ZDHHC7: variants seen among roughly 807,000 people sequenced by gnomAD.
ZDHHC7 encodes the protein palmitoyltransferase ZDHHC7.
Under a neutral mutation model 34.1 loss-of-function variants are expected in ZDHHC7, and 12 were observed. The observed-to-expected ratio is 0.35, with a 90% CI of 0.23 to 0.57. The LOEUF (loss-of-function observed/expected upper bound fraction) is 0.57. ZDHHC7 is among the 20% of genes least tolerant of loss of function. The pLI, the probability that ZDHHC7 is intolerant of heterozygous loss-of-function variation, is 0.84. For synonymous variants in ZDHHC7, 185 were observed against 155.4 expected (o/e 1.19, Z -1.42); for missense variants, 388 against 402.7 (o/e 0.96, Z 0.31).
chr16:84,977,389 G>C, intron 6 of ZDHHC7, 164 bp from the exon 7 acceptor site: 1 of 851,802 alleles, frequency 1.2e-6, no homozygotes, highest in Non-Finnish European at 1.8e-6. Flanking sequence ...GAGCAGAGGA[G>C]GGCCACCCTT....
At chr16:85,002,097 T>C (rs9938580) in intron 1 of ZDHHC7, among the ~76,000 whole-genome samples, 26,270 of 151,988 alleles carry the variant, frequency 0.17, 2,356 homozygotes, top group African/African-American at 0.22. Context: ...TAAAATAGTA[T>C]TGCTTTATAA....
At chr16:84,985,346 T>C (rs551147081) in intron 3 of ZDHHC7, among the ~76,000 whole-genome samples, 52 of 152,348 alleles carry the variant, frequency 3.4e-4, no homozygotes, top group Middle Eastern at 3.4e-3. Flanking sequence ...CTCTCTCCCC[T>C]GCTCTCCACC....
the ZDHHC7 span, among the ~76,000 whole-genome samples, chr16:85,022,398 G>A: frequency 4.6e-5 from 7 of 151,778 alleles, no homozygotes; most frequent in South Asian, 2.1e-4. Flanking sequence ...ATGCACATGC[G>A]TGTAATCCCA....
intron 7 of ZDHHC7, among the ~76,000 whole-genome samples, chr16:84,976,748 C>A (rs1397191489): frequency 6.6e-6 from 1 of 152,230 alleles, no homozygotes; most frequent in Non-Finnish European, 1.5e-5. Context: ...CCCAGCCAGG[C>A]ACCAACATTT....
chr16:85,011,490 G>C lies in ZDHHC7; in HGVS notation c.-308C>G, dbSNP rs943651228. ...AGGCTGCAGCCAAGCAAATGCCTCA[G>C]CCCGGAGCCTTGGCTGGAGAGCGGG... is the stretch of plus-strand genomic sequence containing the variant. On this transcript the variant is annotated 5_prime_UTR_variant, in exon 1 of 8. Coordinates refer to ENST00000313732, the MANE Select transcript of ZDHHC7 (RefSeq NM_017740.3). 3.3e-5 allele frequency: 5 copies of C among 152,256 alleles called. No homozygotes were observed. Among genetic ancestry groups the C allele is most frequent in the African/African-American group, 1.2e-4 (5 of 41,458 alleles). 9.4% of individuals were successfully genotyped at this position (152,256 alleles called of 1,614,324 possible). A position where few individuals can be genotyped will look rare whatever the true frequency, so the allele number is the denominator to read the frequency against.
intron 1 of ZDHHC7, among the ~76,000 whole-genome samples, chr16:85,010,815 G>A (rs1410137571): frequency 6.6e-6 from 1 of 152,202 alleles, no homozygotes; most frequent in Non-Finnish European, 1.5e-5. Flanking sequence ...GGAGCAGGAG[G>A]GAAGATAACT....
At chr16:84,990,212 C>G (rs1567498323) in intron 3 of ZDHHC7, 92 bp downstream of exon 3, 1 of 1,418,726 alleles carries the variant, frequency 7.0e-7, no homozygotes, top group East Asian at 2.3e-5. Context: ...GTCAATATGT[C>G]CCTGTGCACT....
At chr16:84,977,026 C>T in intron 7 of ZDHHC7, 69 bp downstream of exon 7, 4 of 1,594,474 alleles carry the variant, frequency 2.5e-6, no homozygotes, top group Non-Finnish European at 3.4e-6. Flanking sequence ...CTATTGTTGA[C>T]ATTAGGACTT....
chr16:85,000,932 G>C (rs183687655), intron 1 of ZDHHC7, among the ~76,000 whole-genome samples: 16 of 152,318 alleles, frequency 1.1e-4, no homozygotes, highest in African/African-American at 3.8e-4. Context: ...ACCAGAGAAA[G>C]TGTCAATAAA....
In ZDHHC7 at chr16:84,995,964, T is replaced by A. The variant is rs886383614; in HGVS notation, c.-60A>T. 1 of 152,248 alleles carries A rather than the reference T, an allele frequency of 6.6e-6. No individual in the cohort carries two copies. Among genetic ancestry groups the A allele is most frequent in the Admixed American group, 6.5e-5 (1 of 15,282 alleles). 9.4% of individuals were successfully genotyped at this position (152,248 alleles called of 1,614,324 possible). A position where few individuals can be genotyped will look rare whatever the true frequency, so the allele number is the denominator to read the frequency against. On this transcript the variant is annotated 5_prime_UTR_variant, in exon 2 of 8. Transcript: ENST00000313732. ...AACATCACTTGAACATTTTGTGCCG[T>A]TTCTTCAGGATCTTAAGGTGCATAC...
chr16:85,012,998 C>G (rs2072814180), upstream of ZDHHC7, among the ~76,000 whole-genome samples: 1 of 152,142 alleles, frequency 6.6e-6, no homozygotes, highest in African/African-American at 2.4e-5. Flanking sequence ...AATTAAGAAG[C>G]GACAAATGCA....
At chr16:85,015,302 T>C (rs1156408447), upstream of ZDHHC7, among the ~76,000 whole-genome samples, 1 of 152,066 alleles carries the variant, frequency 6.6e-6, no homozygotes. Context: ...GGTTTCATCA[T>C]GTTGGCCAGG....
At chr16:85,021,468 G>C in the ZDHHC7 span, among the ~76,000 whole-genome samples, 1 of 149,460 alleles carries the variant, frequency 6.7e-6, no homozygotes, top group Non-Finnish European at 1.5e-5. Context: ...CAGAGCTTTG[G>C]GAGGCTGAGG....
At chr16:85,021,409 CAAAA>C in the ZDHHC7 span, among the ~76,000 whole-genome samples, 3 of 85,456 alleles carry the variant, frequency 3.5e-5, no homozygotes, top group Non-Finnish European at 4.6e-5. Context: ...AGACTCCATC[CAAAA>C]AAAAAAAAAA....
Position 84,976,510 on chromosome 16 carries a change from G to C in ZDHHC7, c.760C>G (p.Arg254Gly), listed in dbSNP as rs1567490572. 1 of 1,613,210 alleles carries C rather than the reference G, an allele frequency of 6.2e-7. No individual in the cohort carries two copies. Among genetic ancestry groups the C allele is most frequent in the African/African-American group, 1.3e-5 (1 of 74,826 alleles). The change falls in exon 8 of 8, where the codon CGA becomes GGA. Residue 254 changes from arginine (R) to glycine (G), a missense_variant. Coordinates refer to ENST00000313732, the MANE Select transcript of ZDHHC7 (RefSeq NM_017740.3). ...CATGTGGGCTTCTCACTTTTCAATC[G>C]CTCGATCTCCTGGAAGCAGAAAGAA... ...SICNDETEIE[R>G]LKSEKPTWER...
intron 1 of ZDHHC7, among the ~76,000 whole-genome samples, chr16:84,998,572 G>C (rs569208864): frequency 3.4e-4 from 52 of 152,022 alleles, no homozygotes; most frequent in Middle Eastern, 3.4e-3. Flanking sequence ...GCTGTCTCCC[G>C]CCCTAGTGTG....
chr16:84,992,421 C>T (rs1162163748), intron 2 of ZDHHC7, among the ~76,000 whole-genome samples: 2 of 152,028 alleles, frequency 1.3e-5, no homozygotes, highest in South Asian at 2.1e-4. Flanking sequence ...TGCAGTGAGC[C>T]GAGATCGTAC....
At chr16:84,984,872 G>A (rs1597538343) in intron 3 of ZDHHC7, among the ~76,000 whole-genome samples, 1 of 152,126 alleles carries the variant, frequency 6.6e-6, no homozygotes, top group East Asian at 1.9e-4. Flanking sequence ...TATGCAGAGG[G>A]GGTGTGCACG....
chr16:85,010,170 C>T (rs1875249), intron 1 of ZDHHC7, among the ~76,000 whole-genome samples: 26,552 of 151,386 alleles, frequency 0.18, 2,435 homozygotes, highest in African/African-American at 0.22. Context: ...CAGGCGTGTA[C>T]CACCATATCC....
Sources: allele counts gnomAD v4.1 joint callset (sites outside exome capture counted in the v4.1 genomes callset), GRCh38; gene constraint gnomAD v4.1.1; transcripts MANE v1.5; gene names NCBI Gene and HGNC (gene_info 2026-07-23, HGNC 2026-07-21).